The following UQCRH variants were observed in gnomAD, a reference collection of about 807,000 sequenced individuals.
UQCRH encodes ubiquinol-cytochrome c reductase hinge protein.
Under a neutral mutation model 16.3 loss-of-function variants are expected in UQCRH, and 14 were observed. The ratio of observed to expected loss-of-function variants is 0.86; its 90% CI spans 0.57 to 1.34. UQCRH has a LOEUF of 1.34. Ranked by LOEUF, UQCRH falls within the 40% of genes most tolerant of loss-of-function variation. The pLI, the probability that UQCRH is intolerant of heterozygous loss-of-function variation, is 0.00. For synonymous variants in UQCRH, 41 were observed against 41.9 expected, an observed-to-expected ratio of 0.98 and a Z score of 0.08; for missense variants, 89 against 111.9, an observed-to-expected ratio of 0.80 and a Z score of 0.92.
At position 46,316,537 on chromosome 1, in the gene UQCRH, CT is replaced by C. The variant is rs1569702087; in HGVS notation, c.244-12del. The C allele has an allele frequency of 6.2e-7, 1 of 1,613,594 alleles. No homozygotes were observed. ...AGCTGCCAATTGATTACCTCCTTTT[CT>C]TTCCCCCATCTAGGTGGCCCACAAA... On this transcript the variant is annotated splice_polypyrimidine_tract_variant and intron_variant, in intron 3 of 3. Transcript: ENST00000311672.
intron 3 of UQCRH, among the ~76,000 whole-genome samples, chr1:46,314,266 T>C (rs999984042): frequency 1.3e-5 from 2 of 150,416 alleles, no homozygotes; most frequent in Admixed American, 1.3e-4. Context: ...CTTGGGAGGC[T>C]GAGGCAGGAG....
intron 3 of UQCRH, among the ~76,000 whole-genome samples, chr1:46,313,978 C>T (rs1050453442): frequency 2.6e-5 from 4 of 152,130 alleles, no homozygotes; most frequent in Admixed American, 1.3e-4. Flanking sequence ...TTCATATTCA[C>T]AATAGCCAAA....
chr1:46,312,160 A>G (rs1661491462), intron 3 of UQCRH, among the ~76,000 whole-genome samples: 2 of 151,612 alleles, frequency 1.3e-5, no homozygotes, highest in South Asian at 2.1e-4. Flanking sequence ...CAGTGGCGCA[A>G]TCTTGGCTCA....
intron 1 of UQCRH, among the ~76,000 whole-genome samples, chr1:46,308,617 G>T (rs564239204): frequency 6.6e-6 from 1 of 152,108 alleles, no homozygotes; most frequent in Admixed American, 6.6e-5. Context: ...TAGGAGGATT[G>T]ATTGAGCCCA....
At chr1:46,309,988 G>T (rs988590824) in intron 2 of UQCRH, 167 bp from the exon 3 acceptor site, 33 of 1,482,836 alleles carry the variant, frequency 2.2e-5, no homozygotes, top group Non-Finnish European at 2.9e-5. Flanking sequence ...TTGAATGGGA[G>T]ACCGCATTCT....
At chr1:46,310,796 G>A (rs1445553220) in intron 3 of UQCRH, among the ~76,000 whole-genome samples, 2 of 152,186 alleles carry the variant, frequency 1.3e-5, no homozygotes, top group South Asian at 2.1e-4. Flanking sequence ...CCTAGGGCGC[G>A]GTGGCTCATG....
chr1:46,305,101 T>C (rs1314208384), intron 1 of UQCRH, among the ~76,000 whole-genome samples: 1 of 150,058 alleles, frequency 6.7e-6, no homozygotes, highest in Non-Finnish European at 1.5e-5. Context: ...ACAGGTAGCA[T>C]GAGTCCAGGA....
rs369532051 is a variant in UQCRH at position 46,303,724 on chromosome 1, G to C, written c.-43G>C. ...TTCTTGATCCTGAACTGGGTTAGGT[G>C]CCGCTGTTGCTGCTCGTGTTGAATC... On this transcript the variant is annotated 5_prime_UTR_variant, in exon 1 of 4. Transcript: ENST00000311672. The C allele has an allele frequency of 4.5e-5, 73 of 1,613,998 alleles. No homozygotes were observed. The highest frequency in any genetic ancestry group is 5.8e-5 in the Non-Finnish European group (68 of 1,179,910).
chr1:46,311,283 C>T (rs964736573), intron 3 of UQCRH, among the ~76,000 whole-genome samples: 6 of 146,962 alleles, frequency 4.1e-5, no homozygotes, highest in South Asian at 2.2e-4. Context: ...TTGTATTGGC[C>T]GGGCGCGGTG....
chr1:46,311,024 C>T (rs1211355305), intron 3 of UQCRH, among the ~76,000 whole-genome samples: 1 of 150,616 alleles, frequency 6.6e-6, no homozygotes, highest in Non-Finnish European at 1.5e-5. Flanking sequence ...GCCGAGATTG[C>T]GCCACTGCAG....
chr1:46,314,447 G>A (rs1468167747), intron 3 of UQCRH, among the ~76,000 whole-genome samples: 2 of 151,868 alleles, frequency 1.3e-5, no homozygotes, highest in Non-Finnish European at 2.9e-5. Flanking sequence ...GAGGCAAGTG[G>A]ATCACCTGCT....
intron 3 of UQCRH, among the ~76,000 whole-genome samples, chr1:46,316,178 TAC>T (rs1212123594): frequency 4.6e-5 from 7 of 152,212 alleles, no homozygotes; most frequent in Admixed American, 3.3e-4. Flanking sequence ...CATGTTTTGT[TAC>T]AGTTATAACT....
intron 1 of UQCRH, among the ~76,000 whole-genome samples, chr1:46,307,558 A>G (rs925741106): frequency 3.3e-5 from 5 of 152,136 alleles, no homozygotes; most frequent in African/African-American, 1.2e-4. Flanking sequence ...AGATTTTACT[A>G]TATCCCAAAT....
chr1:46,313,638 T>TAGAC (rs1176171609), intron 3 of UQCRH, among the ~76,000 whole-genome samples: 49 of 138,044 alleles, frequency 3.5e-4, no homozygotes, highest in East Asian at 1.1e-3. Context: ...CAAAAAAATA[T>TAGAC]AGACAGATAG....
At chr1:46,305,668 G>T (rs145659737) in intron 1 of UQCRH, among the ~76,000 whole-genome samples, 2,842 of 151,938 alleles carry the variant, frequency 0.019, 83 homozygotes, top group African/African-American at 0.063. Flanking sequence ...GCAGAATGGC[G>T]TCAACCCGAG....
At chr1:46,308,489 T>C (rs1157314693) in intron 1 of UQCRH, among the ~76,000 whole-genome samples, 1 of 152,146 alleles carries the variant, frequency 6.6e-6, no homozygotes, top group African/African-American at 2.4e-5. Flanking sequence ...CCTATATTTG[T>C]CCCTGGGGTG....
intron 3 of UQCRH, among the ~76,000 whole-genome samples, chr1:46,315,080 C>A (rs1014895742): frequency 1.3e-5 from 2 of 152,128 alleles, no homozygotes; most frequent in Non-Finnish European, 2.9e-5. Flanking sequence ...GCAGGCATGT[C>A]ACTTGAGGTC....
chr1:46,310,219 G>A lies in UQCRH; in HGVS notation c.146G>A (p.Arg49Gln), dbSNP rs762474674. The A allele has an allele frequency of 4.0e-5, 64 of 1,614,190 alleles. No homozygotes were observed. Among genetic ancestry groups the A allele is most frequent in the African/African-American group, 1.1e-4 (8 of 75,022 alleles). The change falls in exon 3 of 4, where the codon CGG (arginine) becomes CAG (glutamine). Residue 49 changes from arginine to glutamine, a missense_variant. Coordinates refer to ENST00000311672, the MANE Select transcript of UQCRH (RefSeq NM_006004.4). ...QLEKCVKARE[R>Q]LELCDERVSS... ...GAGAAATGTGTAAAGGCCCGGGAGC[G>A]GCTAGAGCTCTGTGATGAGCGTGTA...
chr1:46,305,437 G>A (rs929441249), intron 1 of UQCRH, among the ~76,000 whole-genome samples: 4 of 150,872 alleles, frequency 2.7e-5, no homozygotes, highest in African/African-American at 9.7e-5. Context: ...CTGGCCGGGC[G>A]CGGTGGCTCA....
Sources: gnomAD v4.1 joint callset for allele counts (sites outside exome capture counted in the v4.1 genomes callset) on GRCh38, gnomAD v4.1.1 for gene constraint, MANE v1.5 for transcripts, NCBI Gene and HGNC (gene_info 2026-07-23, HGNC 2026-07-21) for gene names.